GRID2: variants seen among roughly 807,000 people sequenced by gnomAD.
GRID2 encodes the protein glutamate ionotropic receptor delta type subunit 2.
GRID2 carries 33 observed loss-of-function variants against 114.8 expected under a neutral mutation model. The ratio of observed to expected loss-of-function variants is 0.29; its 90% CI spans 0.22 to 0.38. The LOEUF (loss-of-function observed/expected upper bound fraction) is 0.38. GRID2 is among the 10% of genes least tolerant of loss of function. GRID2 has a pLI of 1.00. For synonymous variants in GRID2, 505 were observed against 449.9 expected, an observed-to-expected ratio of 1.12 and a Z score of -1.55; for missense variants, 1,184 against 1,257.7, an observed-to-expected ratio of 0.94 and a Z score of 0.89.
intron 1 of GRID2, among the ~76,000 whole-genome samples, chr4:92,539,338 C>A (rs1355999028): frequency 6.6e-6 from 1 of 151,874 alleles, no homozygotes; most frequent in Non-Finnish European, 1.5e-5. Context: ...AAATGGTGGC[C>A]TTTTCCTGTG....
intron 2 of GRID2, among the ~76,000 whole-genome samples, chr4:93,033,162 A>C (rs1560813251): frequency 6.6e-6 from 1 of 152,194 alleles, no homozygotes; most frequent in Non-Finnish European, 1.5e-5. Flanking sequence ...CTGTGAAGTT[A>C]GAGGGAGCAC....
chr4:93,024,033 A>G (rs770216860), intron 2 of GRID2, among the ~76,000 whole-genome samples: 6 of 151,922 alleles, frequency 3.9e-5, no homozygotes, highest in Non-Finnish European at 8.8e-5. Context: ...AAAACAATTT[A>G]CAAGTCATTT....
At chr4:92,430,503 T>A (rs1052723286) in intron 1 of GRID2, among the ~76,000 whole-genome samples, 1 of 152,212 alleles carries the variant, frequency 6.6e-6, no homozygotes, top group Non-Finnish European at 1.5e-5. Flanking sequence ...CTGTTCCAGT[T>A]ACAATAGCTC....
chr4:92,777,703 A>C (rs1738877715), intron 2 of GRID2, among the ~76,000 whole-genome samples: 1 of 151,442 alleles, frequency 6.6e-6, no homozygotes, highest in African/African-American at 2.4e-5. Flanking sequence ...CCTTATAAGA[A>C]GAGGAAGAGA....
chr4:92,341,122 T>C lies in GRID2; in HGVS notation c.88+36378T>C, dbSNP rs182903267. On this transcript the variant is annotated intron_variant, in intron 1 of 15. Transcript: ENST00000282020. ...ACAGTATATGGTATACAGTAGATAG[T>C]ATATATAAAAGCGCAGTAAGCTGCT... Among the ~76,000 whole-genome samples the C allele has an allele frequency of 2.0e-5, 3 of 152,278 alleles. No individual in the cohort carries two copies. In the East Asian group the frequency reaches 5.8e-4, roughly 29 times the overall value.
At chr4:92,434,813 C>G (rs1460031720) in intron 1 of GRID2, among the ~76,000 whole-genome samples, 1 of 152,010 alleles carries the variant, frequency 6.6e-6, no homozygotes, top group Non-Finnish European at 1.5e-5. Flanking sequence ...TCTCTGAAGT[C>G]AACTGTATTT....
chr4:93,670,190 G>A (rs546866491), intron 14 of GRID2, among the ~76,000 whole-genome samples: 2 of 152,200 alleles, frequency 1.3e-5, no homozygotes, highest in Admixed American at 6.5e-5. Context: ...TTATTGGAAC[G>A]AATGATAATA....
chr4:93,096,670 G>T (rs770111302), intron 3 of GRID2, among the ~76,000 whole-genome samples: 1 of 151,932 alleles, frequency 6.6e-6, no homozygotes, highest in South Asian at 2.1e-4. Flanking sequence ...CCACTAGATT[G>T]GCTGAAGGCA....
chr4:93,395,892 G>T (rs546632705), intron 9 of GRID2, among the ~76,000 whole-genome samples, 184 bp downstream of exon 9: 1 of 151,936 alleles, frequency 6.6e-6, no homozygotes, highest in South Asian at 2.1e-4. Flanking sequence ...TCACAGTTTT[G>T]CAGACTTTTA....
intron 2 of GRID2, among the ~76,000 whole-genome samples, chr4:93,001,460 C>T (rs1720970966): frequency 6.6e-6 from 1 of 151,516 alleles, no homozygotes; most frequent in South Asian, 2.1e-4. Flanking sequence ...GGAGTCAAAG[C>T]TATTGTACTA....
intron 4 of GRID2, among the ~76,000 whole-genome samples, chr4:93,189,933 C>G (rs1740825334): frequency 6.6e-6 from 1 of 152,000 alleles, no homozygotes; most frequent in East Asian, 1.9e-4. Context: ...CTAGTGGTAA[C>G]TTTTTCCCTT....
intron 12 of GRID2, among the ~76,000 whole-genome samples, chr4:93,495,469 A>G (rs879388702): frequency 6.6e-6 from 1 of 151,808 alleles, no homozygotes; most frequent in Non-Finnish European, 1.5e-5. Context: ...AGAGGGAAGG[A>G]TAGCAAGTGA....
intron 1 of GRID2, among the ~76,000 whole-genome samples, chr4:92,464,720 A>G (rs1721663188): frequency 6.6e-6 from 1 of 151,994 alleles, no homozygotes; most frequent in African/African-American, 2.4e-5. Context: ...ATATAAGCAC[A>G]TAAATGTTAA....
At chr4:92,618,131 A>T (rs1730090282) in intron 2 of GRID2, among the ~76,000 whole-genome samples, 1 of 151,660 alleles carries the variant, frequency 6.6e-6, no homozygotes, top group Admixed American at 6.6e-5. Context: ...TTCTTCTAAA[A>T]ATTATATATT....
chr4:92,874,697 G>A (rs909580325), intron 2 of GRID2, among the ~76,000 whole-genome samples: 2 of 152,120 alleles, frequency 1.3e-5, no homozygotes, highest in Non-Finnish European at 2.9e-5. Flanking sequence ...TATATGAAAA[G>A]ACACCAGACC....
chr4:93,288,797 T>C (rs985790368), intron 8 of GRID2, among the ~76,000 whole-genome samples: 1 of 152,192 alleles, frequency 6.6e-6, no homozygotes, highest in African/African-American at 2.4e-5. Context: ...TTTCCTGAAT[T>C]CCCTCTAATA....
At chr4:93,298,033 T>C (rs1326920080) in intron 8 of GRID2, among the ~76,000 whole-genome samples, 1 of 152,212 alleles carries the variant, frequency 6.6e-6, no homozygotes, top group African/African-American at 2.4e-5. Flanking sequence ...AATTACCTTC[T>C]TGGGTTTACC....
intron 1 of GRID2, among the ~76,000 whole-genome samples, chr4:92,514,528 C>T (rs993643660): frequency 1.3e-5 from 2 of 151,800 alleles, no homozygotes; most frequent in Non-Finnish European, 2.9e-5. Flanking sequence ...TGTTACTATA[C>T]TCAGTCAAGT....
intron 2 of GRID2, among the ~76,000 whole-genome samples, chr4:92,592,338 G>A (rs1184318526): frequency 6.6e-6 from 1 of 151,792 alleles, no homozygotes; most frequent in Non-Finnish European, 1.5e-5. Context: ...GAGTAAAAAA[G>A]TAGTAAGAAA....
Sources: gnomAD v4.1 joint callset for allele counts (sites outside exome capture counted in the v4.1 genomes callset) on GRCh38, gnomAD v4.1.1 for gene constraint, MANE v1.5 for transcripts, NCBI Gene and HGNC (gene_info 2026-07-23, HGNC 2026-07-21) for gene names.